STXBP5L: variants seen among roughly 807,000 people sequenced by gnomAD.
The protein encoded by STXBP5L is syntaxin-binding protein 5-like.
In STXBP5L, 65 loss-of-function variants were observed where a neutral mutation model predicts 144.5. That is an observed-to-expected ratio of 0.45 (90% CI 0.37 to 0.55). The LOEUF (loss-of-function observed/expected upper bound fraction) is 0.55, where lower values mean the gene tolerates loss of function less well. Among genes scored for constraint, STXBP5L ranks in the 20% least tolerant of loss-of-function variants. STXBP5L has a pLI of 0.00. For missense variants in STXBP5L, 1,298 were observed against 1,405.5 expected (o/e 0.92, Z 1.22); for synonymous variants, 505 against 469.6 (o/e 1.08, Z -0.97).
At chr3:120,951,541 A>G (rs1711226957) in intron 2 of STXBP5L, among the ~76,000 whole-genome samples, 1 of 152,150 alleles carries the variant, frequency 6.6e-6, no homozygotes, top group African/African-American at 2.4e-5. Context: ...GCAGCCAAAA[A>G]ACACATGAAA....
intron 3 of STXBP5L, among the ~76,000 whole-genome samples, chr3:120,959,386 A>G (rs1454654222): frequency 6.6e-6 from 1 of 152,252 alleles, no homozygotes; most frequent in East Asian, 1.9e-4. Flanking sequence ...TTCTTCACAG[A>G]ACTGGAAAAA....
intron 24 of STXBP5L, among the ~76,000 whole-genome samples, chr3:121,413,715 CAAAAT>C (rs989737936): frequency 3.3e-5 from 5 of 152,036 alleles, no homozygotes; most frequent in Non-Finnish European, 7.4e-5. Context: ...AAGGGACACA[CAAAAT>C]AAACATATAT....
intron 3 of STXBP5L, among the ~76,000 whole-genome samples, chr3:120,998,497 A>G (rs891926949): frequency 3.3e-5 from 5 of 151,970 alleles, no homozygotes; most frequent in Non-Finnish European, 7.4e-5. Flanking sequence ...CCCATCATCT[A>G]CATTAGGTAT....
intron 14 of STXBP5L, among the ~76,000 whole-genome samples, chr3:121,249,132 T>C (rs1251159938): frequency 6.6e-6 from 1 of 152,172 alleles, no homozygotes; most frequent in Non-Finnish European, 1.5e-5. Flanking sequence ...TTTGGTTTCA[T>C]ATGAAATTTT....
intron 9 of STXBP5L, among the ~76,000 whole-genome samples, chr3:121,193,966 TATAATAATAATA>T (rs144408060): frequency 6.7e-6 from 1 of 150,172 alleles, no homozygotes; most frequent in Non-Finnish European, 1.5e-5. Context: ...GAAGTTAACA[TATAATAATAATA>T]ATAATAATAA....
At chr3:121,020,246 G>T (rs1945448836) in intron 3 of STXBP5L, among the ~76,000 whole-genome samples, 1 of 152,000 alleles carries the variant, frequency 6.6e-6, no homozygotes, top group South Asian at 2.1e-4. Flanking sequence ...GAAAAAAAAT[G>T]CCTCCAAGAC....
At chr3:121,165,625 G>C (rs961799186) in intron 9 of STXBP5L, among the ~76,000 whole-genome samples, 42 of 152,098 alleles carry the variant, frequency 2.8e-4, no homozygotes, top group African/African-American at 9.7e-4. Flanking sequence ...AGGGTGAGAA[G>C]AGCAGGGTTT....
At chr3:121,046,162 G>A (rs778706533) in intron 5 of STXBP5L, among the ~76,000 whole-genome samples, 47 of 151,968 alleles carry the variant, frequency 3.1e-4, no homozygotes, top group Non-Finnish European at 5.6e-4. Context: ...GTAGTAGATC[G>A]CATTTATGTA....
chr3:120,963,655 G>A (rs1013348747), intron 3 of STXBP5L, among the ~76,000 whole-genome samples: 1 of 152,118 alleles, frequency 6.6e-6, no homozygotes, highest in Non-Finnish European at 1.5e-5. Flanking sequence ...TTTTTGATGT[G>A]CTGCTGGATT....
chr3:121,050,532 G>A (rs532500660), intron 5 of STXBP5L, among the ~76,000 whole-genome samples: 107 of 152,144 alleles, frequency 7.0e-4, no homozygotes, highest in African/African-American at 2.5e-3. Context: ...ACAAGCAAAT[G>A]CTGAGAGATT....
chr3:121,265,409 A>G (rs983223487), intron 18 of STXBP5L, among the ~76,000 whole-genome samples: 1 of 152,120 alleles, frequency 6.6e-6, no homozygotes, highest in Non-Finnish European at 1.5e-5. Context: ...GAAATAAATA[A>G]GCTCTTTGAA....
chr3:121,317,727 T>A (rs1412427521), intron 19 of STXBP5L, among the ~76,000 whole-genome samples: 2 of 152,132 alleles, frequency 1.3e-5, no homozygotes, highest in Admixed American at 1.3e-4. Context: ...TTATAAAATG[T>A]TTATTAATCT....
chr3:121,056,389 T>C (rs1034870875), intron 5 of STXBP5L, among the ~76,000 whole-genome samples: 9 of 152,250 alleles, frequency 5.9e-5, no homozygotes, highest in African/African-American at 2.2e-4. Flanking sequence ...TTATTATGTA[T>C]ATTTAATTTT....
At chr3:121,032,329 A>T (rs1235359674) in intron 3 of STXBP5L, among the ~76,000 whole-genome samples, 2 of 152,060 alleles carry the variant, frequency 1.3e-5, no homozygotes, top group African/African-American at 4.8e-5. Context: ...GAAAGGTTTG[A>T]TTATAAAGTC....
chr3:121,020,011 C>T (rs1184101843), intron 3 of STXBP5L, among the ~76,000 whole-genome samples: 2 of 151,810 alleles, frequency 1.3e-5, no homozygotes, highest in Non-Finnish European at 2.9e-5. Flanking sequence ...TCCAACTTAA[C>T]GAAATAAGAA....
At chr3:121,276,370 A>G (rs1395531959) in intron 18 of STXBP5L, among the ~76,000 whole-genome samples, 1 of 151,906 alleles carries the variant, frequency 6.6e-6, no homozygotes. Flanking sequence ...ATTGTTATTA[A>G]TTTTACTTTA....
chr3:121,335,166 G>A (rs2044461703), intron 20 of STXBP5L, among the ~76,000 whole-genome samples: 1 of 152,008 alleles, frequency 6.6e-6, no homozygotes, highest in African/African-American at 2.4e-5. Flanking sequence ...ACCAACAATA[G>A]CCAAACCAAC....
At chr3:121,338,336 A>C (rs975754445) in intron 20 of STXBP5L, among the ~76,000 whole-genome samples, 3 of 152,108 alleles carry the variant, frequency 2.0e-5, no homozygotes, top group African/African-American at 7.2e-5. Flanking sequence ...AGAATCAAAC[A>C]AGCTCAATTA....
At chr3:120,990,778 T>C (rs1033914986) in intron 3 of STXBP5L, among the ~76,000 whole-genome samples, 1 of 152,208 alleles carries the variant, frequency 6.6e-6, no homozygotes, top group African/African-American at 2.4e-5. Context: ...GCTAGCCATA[T>C]GTAGAAAGCT....
Sources: gnomAD v4.1 joint callset for allele counts (sites outside exome capture counted in the v4.1 genomes callset) on GRCh38, gnomAD v4.1.1 for gene constraint, MANE v1.5 for transcripts, NCBI Gene and HGNC (gene_info 2026-07-23, HGNC 2026-07-21) for gene names.